SMURF1: variants seen among roughly 807,000 people sequenced by gnomAD.
SMURF1 encodes the protein E3 ubiquitin-protein ligase SMURF1.
A neutral mutation model predicts 98.0 loss-of-function variants in SMURF1; 44 were observed. The ratio of observed to expected loss-of-function variants is 0.45; its 90% CI spans 0.35 to 0.58. The LOEUF is 0.58. Among genes scored for constraint, SMURF1 ranks in the 20% least tolerant of loss-of-function variants. The pLI is 0.00. For synonymous variants in SMURF1, 396 were observed against 374.9 expected (o/e 1.06, Z -0.65); for missense variants, 687 against 938.4 (o/e 0.73, Z 3.50).
At chr7:99,063,243 AT>A (rs1563012590) in intron 1 of SMURF1, among the ~76,000 whole-genome samples, 385 of 15,396 alleles carry the variant, frequency 0.025, 31 homozygotes, top group African/African-American at 0.11. Context: ...AGATTTATTT[AT>A]ATATATATAT....
chr7:99,049,343 G>T, intron 9 of SMURF1: 1 of 525,100 alleles, frequency 1.9e-6, no homozygotes, highest in South Asian at 2.3e-5. Context: ...TATGTAGGCT[G>T]CAAGTAAGAA....
intron 1 of SMURF1, among the ~76,000 whole-genome samples, chr7:99,076,304 C>T (rs138528404): frequency 2.0e-5 from 3 of 152,214 alleles, no homozygotes; most frequent in African/African-American, 4.8e-5. Flanking sequence ...AGAAACCTGA[C>T]GAACACCATC....
Position 99,105,764 on chromosome 7 carries a change from GC to G in SMURF1, c.55+37961del, listed in dbSNP as rs1797181021. Among the ~76,000 whole-genome samples the G allele has an allele frequency of 2.0e-5, 3 of 152,082 alleles. No homozygotes were observed. The South Asian group carries it at 6.2e-4, about 32-fold the overall frequency. On this transcript the variant is annotated intron_variant, in intron 1 of 17. Coordinates refer to ENST00000361368, the MANE Select transcript of SMURF1 (RefSeq NM_181349.3). ...TTTTGGCTGTGTGTGTCACAGAGGG[GC>G]CTAAACGGCCAGAGGATATTTATCA...
chr7:99,096,073 A>G (rs10458282), intron 1 of SMURF1, among the ~76,000 whole-genome samples: 115,463 of 152,106 alleles, frequency 0.76, 46,794 homozygotes, highest in South Asian at 0.93. Context: ...ACAAGTTCAG[A>G]CAGCAGCCCA....
At chr7:99,139,588 C>T (rs894415551) in intron 1 of SMURF1, among the ~76,000 whole-genome samples, 2 of 152,114 alleles carry the variant, frequency 1.3e-5, no homozygotes, top group African/African-American at 4.8e-5. Flanking sequence ...CAGATAAGAA[C>T]AAAGTTTTTG....
intron 8 of SMURF1, chr7:99,050,952 A>G: frequency 1.3e-6 from 2 of 1,551,416 alleles, no homozygotes; most frequent in Non-Finnish European, 1.7e-6. Context: ...AGGAATTCGT[A>G]TAGAAAAGCT....
intron 1 of SMURF1, among the ~76,000 whole-genome samples, chr7:99,078,585 G>C (rs1332584843): frequency 6.6e-6 from 1 of 151,946 alleles, no homozygotes; most frequent in Non-Finnish European, 1.5e-5. Flanking sequence ...AGCTTCATCT[G>C]TGTTTACAGC....
chr7:99,107,808 G>A (rs549022697), intron 1 of SMURF1, among the ~76,000 whole-genome samples: 1 of 152,244 alleles, frequency 6.6e-6, no homozygotes, highest in South Asian at 2.1e-4. Context: ...CCTCACACGT[G>A]ATCGATCTTT....
At chr7:99,118,346 G>A (rs914034952) in intron 1 of SMURF1, among the ~76,000 whole-genome samples, 1 of 152,058 alleles carries the variant, frequency 6.6e-6, no homozygotes, top group Admixed American at 6.5e-5. Context: ...ACAAAAACTT[G>A]CCCACAAATG....
intron 1 of SMURF1, among the ~76,000 whole-genome samples, chr7:99,092,663 A>G (rs577057883): frequency 1.3e-5 from 2 of 152,318 alleles, no homozygotes; most frequent in Non-Finnish European, 1.5e-5. Flanking sequence ...AAAGTGGTGA[A>G]GTGCTATCCA....
At chr7:99,065,492 T>C (rs914212054) in intron 1 of SMURF1, among the ~76,000 whole-genome samples, 1 of 152,212 alleles carries the variant, frequency 6.6e-6, no homozygotes, top group African/African-American at 2.4e-5. Flanking sequence ...TTTGTTGCAT[T>C]TTCTCATTGT....
At chr7:99,058,551 C>G (rs1320802292) in intron 3 of SMURF1, among the ~76,000 whole-genome samples, 1 of 152,158 alleles carries the variant, frequency 6.6e-6, no homozygotes, top group African/African-American at 2.4e-5. Flanking sequence ...CGGATCTATT[C>G]AAAGTACACA....
At chr7:99,047,098 G>T (rs1218524067) in intron 10 of SMURF1, among the ~76,000 whole-genome samples, 1 of 152,234 alleles carries the variant, frequency 6.6e-6, no homozygotes, top group Non-Finnish European at 1.5e-5. Flanking sequence ...TGGGAAAAGG[G>T]CCTGGTCTGT....
rs1343489532 is a variant in SMURF1 at position 99,027,605 on chromosome 7, T to C, written c.*2979A>G. On this transcript the variant is annotated 3_prime_UTR_variant, in exon 18 of 18. Transcript: ENST00000361368. ...TTGATTTTGACATAGAACATTAGTG[T>C]ACAACTTTCACAAAATAAATCAGTG... 2.6e-5 allele frequency: 4 copies of C among 152,628 alleles called. No homozygotes were observed. The highest frequency in any genetic ancestry group is 5.9e-5 in the Non-Finnish European group (4 of 68,046). The allele number at this position is 152,628 out of a possible 1,614,324, so 9.5% of individuals were successfully genotyped here. A position where few individuals can be genotyped will look rare whatever the true frequency, so the allele number is the denominator to read the frequency against.
chr7:99,083,963 C>T (rs1001849953), intron 1 of SMURF1, among the ~76,000 whole-genome samples: 2 of 152,248 alleles, frequency 1.3e-5, no homozygotes, highest in Non-Finnish European at 2.9e-5. Flanking sequence ...TGATGAGCGC[C>T]ACTTGATATT....
rs1584432205 is a variant in SMURF1 at position 99,027,916 on chromosome 7, C to T, written c.*2668G>A. The T allele has an allele frequency of 6.6e-6, 1 of 152,640 alleles. No individual in the cohort carries two copies. Among genetic ancestry groups the T allele is most frequent in the Admixed American group, 6.5e-5 (1 of 15,282 alleles). The allele number at this position is 152,640 out of a possible 1,614,324, so 9.5% of individuals were successfully genotyped here. On this transcript the variant is annotated 3_prime_UTR_variant, in exon 18 of 18. Transcript: ENST00000361368. The stretch of plus-strand genomic sequence containing the variant: ...CCGAACAAGCTCAGGGGTCGAAATT[C>T]GATCTGGTGGCAGATTCTCTTTTCA...
intron 9 of SMURF1, chr7:99,049,318 CA>C (rs1168003075): frequency 1.7e-5 from 8 of 461,398 alleles, no homozygotes; most frequent in African/African-American, 1.4e-4. Flanking sequence ...CTAATACTGC[CA>C]TCTCGGTAAA....
intron 1 of SMURF1, among the ~76,000 whole-genome samples, chr7:99,083,714 T>G (rs1321916594): frequency 6.6e-6 from 1 of 152,240 alleles, no homozygotes; most frequent in Admixed American, 6.5e-5. Context: ...CAAACTGCAT[T>G]CTTTGGATTT....
intron 1 of SMURF1, among the ~76,000 whole-genome samples, chr7:99,089,436 C>T (rs989828824): frequency 5.3e-5 from 8 of 151,714 alleles, no homozygotes; most frequent in South Asian, 2.1e-4. Context: ...CCCAGGAGTT[C>T]GAGATCAGCC....
Sources: gnomAD v4.1 joint callset for allele counts (sites outside exome capture counted in the v4.1 genomes callset) on GRCh38, gnomAD v4.1.1 for gene constraint, MANE v1.5 for transcripts, NCBI Gene and HGNC (gene_info 2026-07-23, HGNC 2026-07-21) for gene names.